Variants in FRMPD1 observed in about 807,000 individuals in gnomAD.
FRMPD1 encodes the protein FERM and PDZ domain-containing protein 1.
FRMPD1 carries 76 observed loss-of-function variants against 117.8 expected under a neutral mutation model. The observed-to-expected ratio is 0.65, with a 90% CI of 0.54 to 0.78. The LOEUF is 0.78. FRMPD1 is among the 30% of genes least tolerant of loss of function. FRMPD1 has a pLI of 0.00. For synonymous variants in FRMPD1, 783 were observed against 770.4 expected (o/e 1.02, Z -0.27); for missense variants, 1,786 against 1,964.5 (o/e 0.91, Z 1.72).
intron 1 of FRMPD1, among the ~76,000 whole-genome samples, chr9:37,652,129 T>C (rs757316324): frequency 1.3e-5 from 2 of 152,202 alleles, no homozygotes; most frequent in Non-Finnish European, 2.9e-5. Flanking sequence ...GTGAGTCGGT[T>C]ATTTTTGTAA....
intron 1 of FRMPD1, among the ~76,000 whole-genome samples, chr9:37,657,831 C>T (rs529152663): frequency 6.6e-6 from 1 of 152,022 alleles, no homozygotes. Flanking sequence ...TCAAGTACAG[C>T]CTTTGTGTGG....
At chr9:37,691,214 T>G (rs1187422131) in intron 1 of FRMPD1, among the ~76,000 whole-genome samples, 1 of 152,228 alleles carries the variant, frequency 6.6e-6, no homozygotes, top group Non-Finnish European at 1.5e-5. Flanking sequence ...CAAGCTTCTC[T>G]TGTTCGTTTT....
the FRMPD1 span, among the ~76,000 whole-genome samples, chr9:37,623,535 T>C: frequency 6.6e-6 from 1 of 152,246 alleles, no homozygotes; most frequent in South Asian, 2.1e-4. Context: ...AAATGAAGAT[T>C]ATACATTTTG....
chr9:37,691,077 G>T (rs899402407), intron 1 of FRMPD1, among the ~76,000 whole-genome samples: 18 of 152,300 alleles, frequency 1.2e-4, no homozygotes, highest in Non-Finnish European at 2.4e-4. Context: ...ACCATAGCAG[G>T]ATATAAAGTA....
At chr9:37,660,981 C>G (rs913380606) in intron 1 of FRMPD1, among the ~76,000 whole-genome samples, 3 of 152,220 alleles carry the variant, frequency 2.0e-5, no homozygotes, top group African/African-American at 7.2e-5. Flanking sequence ...CTGGCTAAGT[C>G]AAGAGCATAT....
At chr9:37,702,726 T>A (rs936405301) in intron 2 of FRMPD1, among the ~76,000 whole-genome samples, 1 of 152,172 alleles carries the variant, frequency 6.6e-6, no homozygotes, top group Non-Finnish European at 1.5e-5. Flanking sequence ...CTGTGGGTGG[T>A]GGGGAATTAT....
intron 11 of FRMPD1, 45 bp from the exon 12 acceptor site, chr9:37,733,685 C>A: frequency 6.3e-7 from 1 of 1,582,248 alleles, no homozygotes; most frequent in Non-Finnish European, 8.7e-7. Context: ...GGATTTTAGA[C>A]CAATGAATAA....
chr9:37,692,617 G>T (rs1288685115), intron 1 of FRMPD1, 21 bp from the exon 2 acceptor site: 1 of 1,489,704 alleles, frequency 6.7e-7, no homozygotes, highest in South Asian at 1.1e-5. Flanking sequence ...AGCATCTTAA[G>T]AACACTCTTC....
intron 1 of FRMPD1, among the ~76,000 whole-genome samples, chr9:37,672,880 C>T (rs368524492): frequency 2.0e-5 from 3 of 152,080 alleles, no homozygotes; most frequent in East Asian, 1.9e-4. Context: ...AGACCAGCCC[C>T]GTGATTAAAT....
intron 1 of FRMPD1, among the ~76,000 whole-genome samples, chr9:37,657,288 C>G (rs1395569001): frequency 6.6e-6 from 1 of 152,230 alleles, no homozygotes; most frequent in African/African-American, 2.4e-5. Context: ...CTGATGCTGA[C>G]TTGTAACTAT....
upstream of FRMPD1, chr9:37,650,870 C>G (rs10973455): frequency 6.8e-6 from 1 of 148,100 alleles, no homozygotes; most frequent in African/African-American, 2.4e-5. Flanking sequence ...GGCCGCGCAG[C>G]TGCAGCCTCA....
chr9:37,742,016 T>C (rs1316433161), intron 15 of FRMPD1, among the ~76,000 whole-genome samples: 1 of 152,238 alleles, frequency 6.6e-6, no homozygotes, highest in East Asian at 1.9e-4. Flanking sequence ...GTAAATTACA[T>C]ATTTACTTGT....
At chr9:37,637,967 T>TTG in the FRMPD1 span, among the ~76,000 whole-genome samples, 3,188 of 55,516 alleles carry the variant, frequency 0.057, 470 homozygotes, top group Middle Eastern at 0.08. Flanking sequence ...GTGTATGCTT[T>TTG]CTTTCTTTCT....
chr9:37,740,609 T>A lies in FRMPD1; in HGVS notation c.2081T>A (p.Leu694Gln), dbSNP rs751889199. The change falls in exon 15 of 16, where the codon CTG becomes CAG. Residue 694 changes from leucine to glutamine, a missense_variant. Physicochemically the swap from Leu to Gln is moderately radical, Grantham distance 113. Transcript: ENST00000377765. This position sits in a 1 kb window ranked among gnomAD's most constrained non-coding sequence, Gnocchi z 4.2. ...GCACCAGAACTGAGCACAGTCAGGC[T>A]GGACCCCAGGCTGTATGAAGGCAGC... ...GWAPELSTVR[L>Q]DPRLYEGSHA... 1 of 1,614,196 alleles carries A rather than the reference T, an allele frequency of 6.2e-7. No individual in the cohort carries two copies. Among genetic ancestry groups the A allele is most frequent in the Non-Finnish European group, 8.5e-7 (1 of 1,180,016 alleles).
chr9:37,621,918 A>G, the FRMPD1 span, among the ~76,000 whole-genome samples: 1 of 152,166 alleles, frequency 6.6e-6, no homozygotes, highest in African/African-American at 2.4e-5. Context: ...AGGGCTCACA[A>G]TAGTACCACG....
At chr9:37,672,500 C>A (rs75133487) in intron 1 of FRMPD1, among the ~76,000 whole-genome samples, 15,784 of 152,144 alleles carry the variant, frequency 0.1, 1,238 homozygotes, top group African/African-American at 0.22. Flanking sequence ...TAAGCTGTTT[C>A]CATGCATTAC....
rs61521469 is a variant in FRMPD1, at chr9:37,696,051, CTTTTTTT to C, written c.101+3327_101+3333del. 2.8e-3 allele frequency among the ~76,000 whole-genome samples: 218 copies of C among 78,118 alleles called. 1 individual carries two copies. Among genetic ancestry groups the C allele is most frequent in the East Asian group, 5.9e-3 (17 of 2,900 alleles). The allele number at this position is 78,118 out of a possible 152,430, so 51.2% of individuals were successfully genotyped here. A position where few individuals can be genotyped will look rare whatever the true frequency, so the allele number is the denominator to read the frequency against. ...TTGCTCACCGTTCTCCATTGTTTTG[CTTTTTTT>C]TTTTTTTTTTTTTTTTTAATATCTA... On this transcript the variant is annotated intron_variant, in intron 2 of 15. Transcript: ENST00000377765.
intron 6 of FRMPD1, among the ~76,000 whole-genome samples, chr9:37,721,450 A>G (rs1392740011): frequency 6.6e-6 from 1 of 152,258 alleles, no homozygotes; most frequent in Non-Finnish European, 1.5e-5. Context: ...AACAAATACA[A>G]AGAAAAAATA....
intron 6 of FRMPD1, among the ~76,000 whole-genome samples, chr9:37,722,064 A>G (rs943087504): frequency 3.9e-5 from 6 of 152,156 alleles, no homozygotes; most frequent in African/African-American, 1.4e-4. Flanking sequence ...CCACTGGGAA[A>G]CCCCAAAATT....
Sources: allele counts gnomAD v4.1 joint callset (sites outside exome capture counted in the v4.1 genomes callset), GRCh38; gene constraint gnomAD v4.1.1; non-coding constraint Gnocchi (gnomAD v3.1); transcripts MANE v1.5; gene names NCBI Gene and HGNC (gene_info 2026-07-23, HGNC 2026-07-21).